Variants in PKHD1 observed in about 807,000 individuals in gnomAD.
PKHD1 encodes fibrocystin.
A neutral mutation model predicts 412.0 loss-of-function variants in PKHD1; 291 were observed. The observed-to-expected ratio is 0.71, with a 90% CI of 0.64 to 0.78. PKHD1 has a LOEUF of 0.78. Ranked by LOEUF, PKHD1 falls within the 30% of genes least tolerant of loss-of-function variation. The probability of loss-of-function intolerance (pLI) is 0.00; values close to 1 mark genes in which losing one functional copy is unlikely to be tolerated. For synonymous variants in PKHD1, 1,777 were observed against 1,821.5 expected (o/e 0.98, Z 0.62); for missense variants, 4,825 against 4,950.7 (o/e 0.97, Z 0.76).
intron 52 of PKHD1, among the ~76,000 whole-genome samples, chr6:51,830,282 C>A (rs1768023709): frequency 6.6e-6 from 1 of 152,052 alleles, no homozygotes; most frequent in African/African-American, 2.4e-5. Flanking sequence ...ATAAGTATGG[C>A]TGTGTGTTTC....
At chr6:51,644,098 G>A (rs1464780336) in intron 63 of PKHD1, among the ~76,000 whole-genome samples, 7 of 151,970 alleles carry the variant, frequency 4.6e-5, no homozygotes, top group Non-Finnish European at 1.0e-4. Flanking sequence ...GATGTCAATC[G>A]CCTCCTTAAG....
chr6:51,872,336 G>A (rs765447756), intron 46 of PKHD1, among the ~76,000 whole-genome samples: 4 of 151,586 alleles, frequency 2.6e-5, no homozygotes, highest in Admixed American at 6.6e-5. Flanking sequence ...CAGGGACAAG[G>A]ACAAGTTCCT....
chr6:51,972,430 C>T (rs929503374), intron 35 of PKHD1, among the ~76,000 whole-genome samples: 8 of 152,096 alleles, frequency 5.3e-5, no homozygotes, highest in African/African-American at 1.7e-4. Context: ...TGTGTTAATG[C>T]TAATACCACA....
intron 43 of PKHD1, among the ~76,000 whole-genome samples, chr6:51,901,634 A>G (rs969933792): frequency 6.6e-6 from 1 of 151,770 alleles, no homozygotes; most frequent in Non-Finnish European, 1.5e-5. Flanking sequence ...ACTAACATGC[A>G]CAATGTGCTC....
At chr6:52,037,172 C>G (rs1804089544) in intron 27 of PKHD1, among the ~76,000 whole-genome samples, 1 of 151,712 alleles carries the variant, frequency 6.6e-6, no homozygotes, top group Admixed American at 6.6e-5. Flanking sequence ...AAGTAAATAT[C>G]ACTGAAAAAA....
intron 60 of PKHD1, among the ~76,000 whole-genome samples, chr6:51,730,104 T>C (rs1372769352): frequency 6.6e-6 from 1 of 152,208 alleles, no homozygotes; most frequent in Non-Finnish European, 1.5e-5. Flanking sequence ...TTCCTTTTTG[T>C]TCTTAAATAT....
chr6:51,630,135 G>A (rs1767749630), intron 65 of PKHD1, among the ~76,000 whole-genome samples: 1 of 152,102 alleles, frequency 6.6e-6, no homozygotes, highest in Non-Finnish European at 1.5e-5. Context: ...TGAGACTGGT[G>A]GATTTTCATG....
intron 54 of PKHD1, among the ~76,000 whole-genome samples, chr6:51,773,425 C>T (rs1213271880): frequency 1.3e-5 from 2 of 151,738 alleles, no homozygotes; most frequent in Non-Finnish European, 1.5e-5. Context: ...ATCATAATTC[C>T]TCATATTCTA....
At chr6:51,896,395 C>A (rs2127590102) in intron 43 of PKHD1, among the ~76,000 whole-genome samples, 1 of 152,268 alleles carries the variant, frequency 6.6e-6, no homozygotes, top group South Asian at 2.1e-4. Flanking sequence ...CACCCCCCAA[C>A]AGGGGCACAC....
At chr6:51,762,661 A>ATTT (rs202091214) in intron 55 of PKHD1, among the ~76,000 whole-genome samples, 63 of 75,618 alleles carry the variant, frequency 8.3e-4, no homozygotes, top group African/African-American at 1.7e-3. Flanking sequence ...ATATATATAT[A>ATTT]TATATTTTCA....
Position 51,854,271 on chromosome 6 carries a change from G to A in PKHD1, c.7911+1622C>T, listed in dbSNP as rs572027266. Among the ~76,000 whole-genome samples, 101 of 152,124 alleles carry A rather than the reference G, an allele frequency of 6.6e-4. No homozygotes were observed. The South Asian group carries it at 7.9e-3, about 12-fold the overall frequency. Reference sequence around the variant, plus strand: ...CCCATGCCTGGAGATGTCACTCAAGGAGACAGGAGTGCAGCAAAGATGGGT... The same window carrying A: ...CCCATGCCTGGAGATGTCACTCAAGAAGACAGGAGTGCAGCAAAGATGGGT... On this transcript the variant is annotated intron_variant, in intron 49 of 66. Coordinates refer to ENST00000371117, the MANE Select transcript of PKHD1 (RefSeq NM_138694.4).
chr6:52,033,603 T>G (rs930695335), intron 28 of PKHD1, among the ~76,000 whole-genome samples: 1 of 151,840 alleles, frequency 6.6e-6, no homozygotes, highest in Non-Finnish European at 1.5e-5. Flanking sequence ...GATGTACTTA[T>G]GGTTATTATC....
At chr6:51,739,124 CAT>C (rs1031499757) in intron 60 of PKHD1, among the ~76,000 whole-genome samples, 43 of 145,140 alleles carry the variant, frequency 3.0e-4, no homozygotes, top group Non-Finnish European at 4.9e-4. Flanking sequence ...TATTTTTTTA[CAT>C]ATATATAAAA....
intron 52 of PKHD1, among the ~76,000 whole-genome samples, chr6:51,828,666 G>A (rs541761141): frequency 4.6e-5 from 7 of 152,090 alleles, no homozygotes; most frequent in Middle Eastern, 6.8e-3. Flanking sequence ...TCTACTTTGC[G>A]CCAGAGTCAG....
chr6:51,722,026 G>A lies in PKHD1; in HGVS notation c.10156+22359C>T, dbSNP rs372964178. ...CAAAGCCTGCTCAGTGGTTACTGAA[G>A]TAAACAGAAGTACTTTAGTCAGACA... On this transcript the variant is annotated intron_variant, in intron 60 of 66. Coordinates refer to ENST00000371117, the MANE Select transcript of PKHD1 (RefSeq NM_138694.4). 47 of 1,613,548 alleles carry A rather than the reference G, an allele frequency of 2.9e-5. No individual in the cohort carries two copies. In the Middle Eastern group the frequency reaches 5.0e-4, roughly 17 times the overall value.
intron 43 of PKHD1, among the ~76,000 whole-genome samples, chr6:51,888,117 G>T (rs1011216714): frequency 2.6e-5 from 4 of 152,348 alleles, no homozygotes; most frequent in Admixed American, 2.6e-4. Flanking sequence ...CACATGATTG[G>T]ACCAGTCATG....
chr6:51,814,497 T>A (rs1462552071), intron 52 of PKHD1, among the ~76,000 whole-genome samples: 2 of 152,210 alleles, frequency 1.3e-5, no homozygotes, highest in African/African-American at 4.8e-5. Context: ...AGGTAACCTC[T>A]GAAACCATTT....
At chr6:51,668,394 T>G (rs1457586879) in intron 60 of PKHD1, among the ~76,000 whole-genome samples, 1 of 152,242 alleles carries the variant, frequency 6.6e-6, no homozygotes. Context: ...TACACTGATT[T>G]TGTATCCTGA....
chr6:51,663,786 T>A (rs575791511), intron 60 of PKHD1, among the ~76,000 whole-genome samples: 7 of 152,176 alleles, frequency 4.6e-5, no homozygotes, highest in African/African-American at 1.4e-4. Context: ...ATCCTCTAAA[T>A]TGATTCTTAA....
Sources: allele counts gnomAD v4.1 joint callset (sites outside exome capture counted in the v4.1 genomes callset), GRCh38; gene constraint gnomAD v4.1.1; transcripts MANE v1.5; gene names NCBI Gene and HGNC (gene_info 2026-07-23, HGNC 2026-07-21).